The following WWC2 variants were observed in gnomAD, a reference collection of about 807,000 sequenced individuals.
WWC2 encodes protein WWC2.
A neutral mutation model predicts 138.5 loss-of-function variants in WWC2; 101 were observed. That is an observed-to-expected ratio of 0.73 (90% CI 0.62 to 0.86). The LOEUF is 0.86. Ranked by LOEUF, WWC2 falls within the 40% of genes least tolerant of loss-of-function variation. The pLI is 0.00. For synonymous variants in WWC2, 558 were observed against 538.4 expected, an observed-to-expected ratio of 1.04 and a Z score of -0.50; for missense variants, 1,420 against 1,419.4, an observed-to-expected ratio of 1.00 and a Z score of -0.01.
chr4:183,132,336 AATAG>A (rs1372124038), intron 1 of WWC2, among the ~76,000 whole-genome samples: 1 of 152,138 alleles, frequency 6.6e-6, no homozygotes. Flanking sequence ...TTTCAATGTA[AATAG>A]ATATTTTGTA....
intron 1 of WWC2, among the ~76,000 whole-genome samples, chr4:183,153,182 G>A (rs939147837): frequency 2.6e-5 from 4 of 152,214 alleles, no homozygotes; most frequent in African/African-American, 7.2e-5. Flanking sequence ...TGGCATTGCA[G>A]GTGTGAGCCA....
At chr4:183,314,022 G>C (rs923088900) in intron 22 of WWC2, among the ~76,000 whole-genome samples, 1 of 152,054 alleles carries the variant, frequency 6.6e-6, no homozygotes, top group Non-Finnish European at 1.5e-5. Context: ...TTGAAGTGTG[G>C]GGAAGCTAGG....
chr4:183,205,540 G>A (rs1317937255), intron 2 of WWC2, among the ~76,000 whole-genome samples: 1 of 152,180 alleles, frequency 6.6e-6, no homozygotes, highest in Non-Finnish European at 1.5e-5. Context: ...GTGGATGCTA[G>A]ACATTATAAA....
At chr4:183,203,537 T>C (rs1259895328) in intron 2 of WWC2, 2 of 152,144 alleles carry the variant, frequency 1.3e-5, no homozygotes, top group East Asian at 1.9e-4. Flanking sequence ...GGCTGACTAA[T>C]GTACACTCTC....
At chr4:183,179,821 C>T (rs183387479) in intron 1 of WWC2, among the ~76,000 whole-genome samples, 2 of 152,272 alleles carry the variant, frequency 1.3e-5, no homozygotes, top group East Asian at 1.9e-4. Flanking sequence ...AAATCACTCA[C>T]TCACTGTTTT....
In WWC2 at chr4:183,312,472, AATAGCCCCATCC is replaced by A. The variant is rs1177170285; in HGVS notation, c.3512+6_3512+17del. The A allele has an allele frequency of 5.6e-6, 9 of 1,613,330 alleles. No individual in the cohort carries two copies. The highest frequency in any genetic ancestry group is 7.6e-6 in the Non-Finnish European group (9 of 1,179,568). ...CTCGGCAGGTGCAGTCCTTCAGGTGAATAGCCCCATCCAGGACAGCTTTTGGGTTGCCCTCAC... is the reference window on the plus strand; with the variant it reads ...CTCGGCAGGTGCAGTCCTTCAGGTGAAGGACAGCTTTTGGGTTGCCCTCAC... On this transcript the variant is annotated splice_donor_5th_base_variant and intron_variant, in intron 22 of 22. Transcript: ENST00000403733.
chr4:183,309,147 G>A (rs1739128620), intron 21 of WWC2, among the ~76,000 whole-genome samples: 1 of 152,132 alleles, frequency 6.6e-6, no homozygotes, highest in African/African-American at 2.4e-5. Flanking sequence ...AGTTACCCTA[G>A]GAGAAAATCT....
intron 21 of WWC2, among the ~76,000 whole-genome samples, chr4:183,296,730 G>A (rs758356095): frequency 7.9e-5 from 12 of 151,742 alleles, no homozygotes; most frequent in Non-Finnish European, 1.2e-4. Context: ...TCAGGAGATC[G>A]AAACCACCCT....
At chr4:183,215,806 A>G (rs954216514) in intron 4 of WWC2, among the ~76,000 whole-genome samples, 1 of 152,310 alleles carries the variant, frequency 6.6e-6, no homozygotes, top group East Asian at 1.9e-4. Flanking sequence ...ATGTCAATCT[A>G]TATACATCCT....
At chr4:183,202,080 A>C (rs1379371379) in intron 2 of WWC2, among the ~76,000 whole-genome samples, 1 of 152,130 alleles carries the variant, frequency 6.6e-6, no homozygotes, top group Non-Finnish European at 1.5e-5. Context: ...CTGGGGAAGG[A>C]ATGAGTGAGG....
intron 2 of WWC2, 114 bp downstream of exon 2, chr4:183,193,822 T>G: frequency 1.1e-6 from 1 of 885,516 alleles, no homozygotes; most frequent in Non-Finnish European, 1.8e-6. Flanking sequence ...CCCCATTTTC[T>G]TAGTGACTAA....
chr4:183,161,429 TAG>T (rs2111140478), intron 1 of WWC2, among the ~76,000 whole-genome samples: 1 of 152,240 alleles, frequency 6.6e-6, no homozygotes, highest in Non-Finnish European at 1.5e-5. Flanking sequence ...AAGCATGCAT[TAG>T]AAAACAAGCA....
chr4:183,159,776 A>G, intron 1 of WWC2, among the ~76,000 whole-genome samples: 1 of 149,190 alleles, frequency 6.7e-6, no homozygotes, highest in East Asian at 2.0e-4. Flanking sequence ...GGAGTAATGT[A>G]TTTCAAAGCA....
intron 16 of WWC2, among the ~76,000 whole-genome samples, chr4:183,278,219 A>G (rs892388991): frequency 7.2e-5 from 11 of 151,984 alleles, no homozygotes; most frequent in African/African-American, 2.2e-4. Flanking sequence ...TCCCAGCACC[A>G]TTTATTAAAT....
At chr4:183,208,268 AG>A (rs1477868964) in intron 3 of WWC2, 112 bp downstream of exon 3, 1 of 1,150,910 alleles carries the variant, frequency 8.7e-7, no homozygotes, top group Non-Finnish European at 1.2e-6. Flanking sequence ...CCTCCTAAGC[AG>A]GAAGAGTCTC....
intron 1 of WWC2, among the ~76,000 whole-genome samples, chr4:183,164,535 A>T (rs990617357): frequency 1.3e-5 from 2 of 151,578 alleles, no homozygotes; most frequent in Admixed American, 1.3e-4. Context: ...TACCTTTTTT[A>T]AAAAAGCTAA....
chr4:183,135,138 C>T (rs1256178330), intron 1 of WWC2, among the ~76,000 whole-genome samples: 1 of 151,918 alleles, frequency 6.6e-6, no homozygotes, highest in Non-Finnish European at 1.5e-5. Flanking sequence ...TGGCTAGACT[C>T]GAACTCCTGA....
At chr4:183,280,699 A>G in intron 16 of WWC2, 77 bp from the exon 17 acceptor site, 3 of 1,460,554 alleles carry the variant, frequency 2.1e-6, no homozygotes, top group Non-Finnish European at 2.8e-6. Context: ...ATAGAAGTGT[A>G]AATTCCCATC....
chr4:183,100,464 A>T (rs914042336), intron 1 of WWC2, among the ~76,000 whole-genome samples: 4 of 152,212 alleles, frequency 2.6e-5, no homozygotes, highest in African/African-American at 9.6e-5. Context: ...GAATAATAGG[A>T]GGTATTCCTA....
Sources: allele counts gnomAD v4.1 joint callset (sites outside exome capture counted in the v4.1 genomes callset), GRCh38; gene constraint gnomAD v4.1.1; transcripts MANE v1.5; gene names NCBI Gene and HGNC (gene_info 2026-07-23, HGNC 2026-07-21).